Variants in GDA observed in about 807,000 individuals in gnomAD.
GDA encodes cytoplasmic PSD-95 interactor.
GDA carries 18 observed loss-of-function variants against 59.6 expected under a neutral mutation model. The observed-to-expected ratio is 0.30, with a 90% confidence interval of 0.21 to 0.45. The LOEUF (loss-of-function observed/expected upper bound fraction) is 0.45, where lower values mean the gene tolerates loss of function less well. Among genes scored for constraint, GDA ranks in the 20% least tolerant of loss-of-function variants. The pLI, the probability that GDA is intolerant of heterozygous loss-of-function variation, is 1.00. For synonymous variants in GDA, 201 were observed against 201.1 expected (o/e 1.00, Z 0.00); for missense variants, 427 against 552.3 (o/e 0.77, Z 2.27).
At chr9:72,213,367 A>G (rs1835634397) in intron 4 of GDA, among the ~76,000 whole-genome samples, 1 of 152,052 alleles carries the variant, frequency 6.6e-6, no homozygotes, top group South Asian at 2.1e-4. Flanking sequence ...GAATAGAAAA[A>G]CTTTTACTGT....
At chr9:72,223,332 T>C in intron 7 of GDA, 105 bp downstream of exon 7, 2 of 661,354 alleles carry the variant, frequency 3.0e-6, no homozygotes, top group East Asian at 5.4e-5. Context: ...CTGAGTAATC[T>C]GTTTCTTCAA....
intron 1 of GDA, among the ~76,000 whole-genome samples, chr9:72,182,429 G>C (rs1831361694): frequency 6.6e-6 from 1 of 152,148 alleles, no homozygotes; most frequent in African/African-American, 2.4e-5. Context: ...GGGTTTGTCT[G>C]ATGTTTCCTC....
At chr9:72,118,776 G>A (rs1825558300) in intron 1 of GDA, among the ~76,000 whole-genome samples, 3 of 152,204 alleles carry the variant, frequency 2.0e-5, no homozygotes, top group Middle Eastern at 6.8e-3. Flanking sequence ...AAATAGGCAC[G>A]CTCATATACT....
Position 72,230,949 on chromosome 9 carries a change from C to T in GDA, c.921-165C>T, listed in dbSNP as rs542021356. Reference sequence around the variant, plus strand: ...TTAGGCTATTTTATGATCCTGTTTACTCCAGGACTTGGATGGTCTGATTTG... The same window carrying T: ...TTAGGCTATTTTATGATCCTGTTTATTCCAGGACTTGGATGGTCTGATTTG... On this transcript the variant is annotated intron_variant, in intron 9 of 13. Coordinates refer to ENST00000358399, the MANE Select transcript of GDA (RefSeq NM_004293.5). 4.6e-5 allele frequency among the ~76,000 whole-genome samples: 7 copies of T among 152,248 alleles called. No individual in the cohort carries two copies. In the East Asian group the frequency reaches 5.8e-4, roughly 13 times the overall value.
At chr9:72,124,156 G>A (rs1033685118) in intron 1 of GDA, among the ~76,000 whole-genome samples, 3 of 152,114 alleles carry the variant, frequency 2.0e-5, no homozygotes, top group African/African-American at 4.8e-5. Flanking sequence ...AACTTTTCCA[G>A]GCTATATAGT....
intron 1 of GDA, among the ~76,000 whole-genome samples, chr9:72,139,005 G>T (rs1057013390): frequency 1.3e-5 from 2 of 152,058 alleles, no homozygotes; most frequent in Admixed American, 1.3e-4. Context: ...CATGCATTTC[G>T]TGTTATATTG....
At chr9:72,149,426 G>T (rs1051439297), upstream of GDA, 5 of 1,068,550 alleles carry the variant, frequency 4.7e-6, no homozygotes, top group Non-Finnish European at 6.5e-6. Flanking sequence ...GCAACCGCCC[G>T]GGTAAGCGGG....
Position 72,202,751 on chromosome 9 carries a change from C to A in GDA, c.384+9C>A. On this transcript the variant is annotated intron_variant, in intron 3 of 13. Coordinates refer to ENST00000358399, the MANE Select transcript of GDA (RefSeq NM_004293.5). Reference sequence around the variant, plus strand: ...TATATACCAGAGTTGTCGTAAGTATCTTGTGTGTGAGTGTGGTATTCTGTT... The same window carrying A: ...TATATACCAGAGTTGTCGTAAGTATATTGTGTGTGAGTGTGGTATTCTGTT... The A allele has an allele frequency of 1.3e-6, 2 of 1,596,640 alleles. No homozygotes were observed. Among genetic ancestry groups the A allele is most frequent in the South Asian group, 1.1e-5 (1 of 90,506 alleles).
rs117796676 is a variant in GDA at position 72,208,021 on chromosome 9, G to C, written c.385-2666G>C. Among the ~76,000 whole-genome samples, 11 of 152,244 alleles carry C rather than the reference G, an allele frequency of 7.2e-5. No homozygotes were observed. In the East Asian group the frequency reaches 2.1e-3, roughly 29 times the overall value. On this transcript the variant is annotated intron_variant, in intron 3 of 13. Coordinates refer to ENST00000358399, the MANE Select transcript of GDA (RefSeq NM_004293.5). The stretch of plus-strand genomic sequence containing the variant: ...GGAGGCTGAGGTGGAAGGCTCTCTT[G>C]ATCCCTAGAATTCAAGGTTACAGTG...
chr9:72,248,931 A>C lies in GDA; in HGVS notation c.*589A>C. 2 of 985,918 alleles carry C rather than the reference A, an allele frequency of 2.0e-6. No individual in the cohort carries two copies. The highest frequency in any genetic ancestry group is 1.2e-6 in the Non-Finnish European group (1 of 829,898). 61.1% of individuals were successfully genotyped at this position (985,918 alleles called of 1,614,324 possible). Reference sequence around the variant, plus strand: ...GAAATTTGCACTTAATGGAATTTGCATTTCAGAGATGTGTTAGTGTTGTGC... The same window carrying C: ...GAAATTTGCACTTAATGGAATTTGCCTTTCAGAGATGTGTTAGTGTTGTGC... On this transcript the variant is annotated 3_prime_UTR_variant, in exon 14 of 14. Transcript: ENST00000358399.
chr9:72,151,904 T>C (rs1369671593), intron 1 of GDA, among the ~76,000 whole-genome samples: 1 of 152,154 alleles, frequency 6.6e-6, no homozygotes, highest in Non-Finnish European at 1.5e-5. Context: ...CGCCGGCCAA[T>C]GATCTGTAAA....
At chr9:72,131,413 G>A (rs1826021203) in intron 1 of GDA, among the ~76,000 whole-genome samples, 1 of 152,116 alleles carries the variant, frequency 6.6e-6, no homozygotes, top group Non-Finnish European at 1.5e-5. Flanking sequence ...ACCAAAGGCA[G>A]CGAACTGAAT....
chr9:72,175,026 A>T (rs1160864886), intron 1 of GDA, among the ~76,000 whole-genome samples: 1 of 152,022 alleles, frequency 6.6e-6, no homozygotes, highest in Non-Finnish European at 1.5e-5. Context: ...AGGCAGAGGG[A>T]GGAGCAAGGT....
chr9:72,213,877 A>T lies in GDA; in HGVS notation c.473-9A>T, dbSNP rs1173075447. 7.4e-6 allele frequency: 11 copies of T among 1,477,700 alleles called. No individual in the cohort carries two copies. Among genetic ancestry groups the T allele is most frequent in the Non-Finnish European group, 1.0e-5 (11 of 1,055,792 alleles). The allele number at this position is 1,477,700 out of a possible 1,614,324, so 91.5% of individuals were successfully genotyped here. ...ATGCCTTCATATTCTTTTTGTGTAT[A>T]CTTTACAGATAAATTTGGACAGCGG... On this transcript the variant is annotated splice_polypyrimidine_tract_variant and intron_variant, in intron 4 of 13. Coordinates refer to ENST00000358399, the MANE Select transcript of GDA (RefSeq NM_004293.5).
At chr9:72,237,227 A>C (rs1839113009) in intron 10 of GDA, among the ~76,000 whole-genome samples, 1 of 152,028 alleles carries the variant, frequency 6.6e-6, no homozygotes, top group Non-Finnish European at 1.5e-5. Context: ...TTCAGTCTGG[A>C]TTCTTGCCCC....
chr9:72,125,642 T>C (rs149383984), intron 1 of GDA, among the ~76,000 whole-genome samples: 4 of 152,318 alleles, frequency 2.6e-5, no homozygotes, highest in Non-Finnish European at 4.4e-5. Flanking sequence ...ATTAATGATA[T>C]AGTGGTATCA....
At chr9:72,134,674 G>C (rs1413533030) in intron 1 of GDA, among the ~76,000 whole-genome samples, 1 of 152,150 alleles carries the variant, frequency 6.6e-6, no homozygotes, top group Non-Finnish European at 1.5e-5. Context: ...AAAGTGCTGG[G>C]ATTACAGGCG....
intron 1 of GDA, among the ~76,000 whole-genome samples, chr9:72,169,243 C>T (rs928562434): frequency 6.6e-6 from 1 of 152,134 alleles, no homozygotes; most frequent in Non-Finnish European, 1.5e-5. Flanking sequence ...GAATGGCTAG[C>T]ATCTTTATAC....
intron 1 of GDA, among the ~76,000 whole-genome samples, chr9:72,118,337 C>T (rs555417961): frequency 2.7e-5 from 4 of 150,024 alleles, no homozygotes; most frequent in Admixed American, 2.7e-4. Flanking sequence ...AAATTAATTC[C>T]TTACGTCTTT....
Sources: allele counts gnomAD v4.1 joint callset (sites outside exome capture counted in the v4.1 genomes callset), GRCh38; gene constraint gnomAD v4.1.1; transcripts MANE v1.5; gene names NCBI Gene and HGNC (gene_info 2026-07-23, HGNC 2026-07-21).